The following PTPRG variants were observed in gnomAD, a reference collection of about 807,000 sequenced individuals.
PTPRG encodes receptor-type tyrosine-protein phosphatase gamma.
A neutral mutation model predicts 165.3 loss-of-function variants in PTPRG; 102 were observed. The ratio of observed to expected loss-of-function variants is 0.62; its 90% CI spans 0.53 to 0.73. The LOEUF is 0.73. Ranked by LOEUF, PTPRG falls within the 30% of genes least tolerant of loss-of-function variation. PTPRG has a pLI of 0.00. For synonymous variants in PTPRG, 675 were observed against 669.5 expected, an observed-to-expected ratio of 1.01 and a Z score of -0.13; for missense variants, 1,866 against 1,861.4, an observed-to-expected ratio of 1.00 and a Z score of -0.05.
chr3:61,730,230 C>G (rs1005291415), intron 1 of PTPRG, among the ~76,000 whole-genome samples: 1 of 150,794 alleles, frequency 6.6e-6, no homozygotes, highest in East Asian at 2.0e-4. Context: ...ACTGTTGCAG[C>G]TACAGTGCCT....
chr3:61,710,911 T>C (rs1412192999), intron 1 of PTPRG, among the ~76,000 whole-genome samples: 3 of 152,116 alleles, frequency 2.0e-5, no homozygotes, highest in African/African-American at 4.8e-5. Context: ...CCTAATGCTA[T>C]CCCTCCCCTA....
chr3:62,209,445 T>C (rs1205531625), intron 12 of PTPRG, among the ~76,000 whole-genome samples: 1 of 152,210 alleles, frequency 6.6e-6, no homozygotes, highest in Non-Finnish European at 1.5e-5. Flanking sequence ...CAAAAATAAG[T>C]ACCAGTACAG....
chr3:61,670,550 C>T (rs1333344126), intron 1 of PTPRG, among the ~76,000 whole-genome samples: 1 of 152,192 alleles, frequency 6.6e-6, no homozygotes, highest in East Asian at 1.9e-4. Flanking sequence ...ACTTGCTTAT[C>T]TCTGCTTTCC....
intron 4 of PTPRG, among the ~76,000 whole-genome samples, chr3:62,020,283 T>A (rs2041659220): frequency 6.6e-6 from 1 of 152,230 alleles, no homozygotes. Context: ...TGCTGCATTC[T>A]ACAGATTTTT....
chr3:61,888,862 T>A (rs2038129633), intron 2 of PTPRG, among the ~76,000 whole-genome samples: 1 of 152,222 alleles, frequency 6.6e-6, no homozygotes, highest in South Asian at 2.1e-4. Context: ...CTTTGAATCT[T>A]ATGAAATTGA....
chr3:61,887,004 G>T (rs1039496670), intron 2 of PTPRG, among the ~76,000 whole-genome samples: 1 of 150,558 alleles, frequency 6.6e-6, no homozygotes, highest in Non-Finnish European at 1.5e-5. Flanking sequence ...GAAGCATCTT[G>T]TGTGCGCTAC....
At chr3:62,289,692 T>G in intron 28 of PTPRG, among the ~76,000 whole-genome samples, 1 of 124,672 alleles carries the variant, frequency 8.0e-6, no homozygotes, top group Non-Finnish European at 1.8e-5. Context: ...CAACACCCAT[T>G]CATGATCCCC....
intron 1 of PTPRG, among the ~76,000 whole-genome samples, chr3:61,680,510 A>C (rs1703394951): frequency 6.8e-6 from 1 of 146,900 alleles, no homozygotes; most frequent in African/African-American, 2.5e-5. Flanking sequence ...TGAAAAAAAA[A>C]AAAAAAAACA....
chr3:62,265,881 CATCTGTGCCTTATAT>C (rs1701852244), intron 17 of PTPRG, among the ~76,000 whole-genome samples: 1 of 56,076 alleles, frequency 1.8e-5, no homozygotes, highest in African/African-American at 7.1e-5. Flanking sequence ...CACACGTATA[CATCTGTGCCTTATAT>C]ACACACACAC....
chr3:62,074,749 A>C (rs1408185827), intron 4 of PTPRG, among the ~76,000 whole-genome samples: 1 of 152,168 alleles, frequency 6.6e-6, no homozygotes, highest in Non-Finnish European at 1.5e-5. Context: ...ACTTTGGGGA[A>C]TATTGAACGG....
chr3:62,163,528 C>T (rs1704849272), intron 7 of PTPRG, among the ~76,000 whole-genome samples: 1 of 151,964 alleles, frequency 6.6e-6, no homozygotes, highest in African/African-American at 2.4e-5. Flanking sequence ...AAGTTGGAAA[C>T]CAAAATAATG....
chr3:61,651,780 T>A (rs1186444528), intron 1 of PTPRG, among the ~76,000 whole-genome samples: 1 of 151,946 alleles, frequency 6.6e-6, no homozygotes, highest in African/African-American at 2.4e-5. Context: ...GAGGCCGAGG[T>A]AGGTGGATCA....
At chr3:62,056,424 T>A (rs2106671943) in intron 4 of PTPRG, among the ~76,000 whole-genome samples, 1 of 152,334 alleles carries the variant, frequency 6.6e-6, no homozygotes, top group African/African-American at 2.4e-5. Flanking sequence ...TAAGATTTTT[T>A]TTTTTAAGCA....
At chr3:61,797,708 G>T (rs1246185268) in intron 2 of PTPRG, among the ~76,000 whole-genome samples, 1 of 151,702 alleles carries the variant, frequency 6.6e-6, no homozygotes, top group Non-Finnish European at 1.5e-5. Context: ...CTGTGCTTGA[G>T]TAGAGTTGTA....
chr3:62,229,854 A>G lies in PTPRG; in HGVS notation c.2289-1371A>G, dbSNP rs1365135299. Among the ~76,000 whole-genome samples the G allele has an allele frequency of 6.6e-6, 1 of 152,228 alleles. No individual in the cohort carries two copies. Among genetic ancestry groups the G allele is most frequent in the South Asian group, 2.1e-4 (1 of 4,836 alleles). ...TTGTGTGTGAGGAAAAACTGCGGAGATAGCCGGCTCTGCTCCAAAATTCCT... is the reference window on the plus strand; with the variant it reads ...TTGTGTGTGAGGAAAAACTGCGGAGGTAGCCGGCTCTGCTCCAAAATTCCT... On this transcript the variant is annotated intron_variant, in intron 13 of 29. Transcript: ENST00000474889. This position sits in a 1 kb window ranked among gnomAD's most constrained non-coding sequence, Gnocchi z 4.6.
At chr3:62,218,754 C>T (rs1184138747) in intron 12 of PTPRG, 97 bp from the exon 13 acceptor site, 18 of 1,461,884 alleles carry the variant, frequency 1.2e-5, no homozygotes, top group Non-Finnish European at 1.5e-5. Context: ...GCCCAGTTCG[C>T]CAGAAACCAC....
intron 2 of PTPRG, among the ~76,000 whole-genome samples, chr3:61,800,630 T>C (rs553099720): frequency 2.0e-5 from 3 of 151,100 alleles, no homozygotes; most frequent in Middle Eastern, 3.5e-3. Flanking sequence ...GGGTGTTCCG[T>C]GGTGGGGACA....
intron 8 of PTPRG, among the ~76,000 whole-genome samples, chr3:62,174,979 G>T (rs17066238): frequency 0.094 from 14,218 of 151,778 alleles, 876 homozygotes; most frequent in East Asian, 0.35. Flanking sequence ...TTTTTAACCT[G>T]GAGTGTTTAA....
At chr3:61,834,534 G>A (rs778536611) in intron 2 of PTPRG, among the ~76,000 whole-genome samples, 5 of 152,122 alleles carry the variant, frequency 3.3e-5, no homozygotes, top group Non-Finnish European at 7.4e-5. Flanking sequence ...AAAACATAAG[G>A]CTTGCCACGG....
Sources: allele counts gnomAD v4.1 joint callset (sites outside exome capture counted in the v4.1 genomes callset), GRCh38; gene constraint gnomAD v4.1.1; non-coding constraint Gnocchi (gnomAD v3.1); transcripts MANE v1.5; gene names NCBI Gene and HGNC (gene_info 2026-07-23, HGNC 2026-07-21).